Variants in TRAPPC12 observed in about 807,000 individuals in gnomAD.
The protein encoded by TRAPPC12 is trafficking protein particle complex subunit 12.
In TRAPPC12, 61 loss-of-function variants were observed where a neutral mutation model predicts 69.2. The observed-to-expected ratio is 0.88, with a 90% CI of 0.72 to 1.09. The LOEUF is 1.09. TRAPPC12 is among the 50% of genes least tolerant of loss of function. The probability of loss-of-function intolerance (pLI) is 0.00; values close to 1 mark genes in which losing one functional copy is unlikely to be tolerated. For synonymous variants in TRAPPC12, 469 were observed against 438.9 expected, an observed-to-expected ratio of 1.07 and a Z score of -0.86; for missense variants, 1,101 against 1,016.4, an observed-to-expected ratio of 1.08 and a Z score of -1.13.
intron 5 of TRAPPC12, among the ~76,000 whole-genome samples, chr2:3,425,012 GA>G (rs113868653): frequency 0.013 from 2,006 of 152,390 alleles, 48 homozygotes; most frequent in African/African-American, 0.044. Flanking sequence ...CAGAGATGCA[GA>G]GCGGTGGAAC....
chr2:3,438,287 TCCCTGGATTAACCCCCATCAC>T (rs1663974538), intron 5 of TRAPPC12, among the ~76,000 whole-genome samples: 1 of 17,886 alleles, frequency 5.6e-5, no homozygotes, highest in Non-Finnish European at 1.0e-4. Context: ...CCCCCCACCA[TCCCTGGATTAACCCCCATCAC>T]CCCTGGATTA....
chr2:3,444,098 C>T (rs1664380499), intron 6 of TRAPPC12, among the ~76,000 whole-genome samples: 1 of 152,178 alleles, frequency 6.6e-6, no homozygotes, highest in Non-Finnish European at 1.5e-5. Flanking sequence ...GAGTTTCTAG[C>T]AGAGCTTGAG....
Position 3,479,305 on chromosome 2 carries a change from C to T in TRAPPC12, c.2052C>T (p.Asp684=), listed in dbSNP as rs753084095. Reference sequence around the variant, plus strand: ...AGCTGGAGGCCATGGTCCAGCAGGACCCCAGGCACTACCTGCACGAGAGCG... The same window carrying T: ...AGCTGGAGGCCATGGTCCAGCAGGATCCCAGGCACTACCTGCACGAGAGCG... ...LRQLEAMVQQ[D]PRHYLHESVL... is the part of the protein sequence containing the mutation. The change falls in exon 12 of 12, where the codon GAC becomes GAT. Residue 684 remains aspartate (D), a synonymous_variant. Coordinates refer to ENST00000324266, the MANE Select transcript of TRAPPC12 (RefSeq NM_016030.6). 1 of 1,614,188 alleles carries T rather than the reference C, an allele frequency of 6.2e-7. No individual in the cohort carries two copies. The highest frequency in any genetic ancestry group is 1.7e-5 in the Admixed American group (1 of 60,032).
chr2:3,447,691 T>C, intron 6 of TRAPPC12, among the ~76,000 whole-genome samples: 1 of 152,062 alleles, frequency 6.6e-6, no homozygotes, highest in East Asian at 1.9e-4. Flanking sequence ...TATATCATAG[T>C]GCAAAATCTA....
In TRAPPC12 at chr2:3,478,925, A is replaced by T; in HGVS notation, c.1957A>T (p.Asn653Tyr). ...FTEILRMDPR[N>Y]AVANNNAAVC... ...AGAGATCTTAAGGATGGATCCAAGA[A>T]ACGCAGTGGTAAGATCCCCAAGCTG... is the stretch of plus-strand genomic sequence containing the variant. The change falls in exon 11 of 12, where the codon AAC (asparagine) becomes TAC (tyrosine). Residue 653 changes from asparagine to tyrosine, a missense_variant. Physicochemically the swap from Asn to Tyr is moderately radical, Grantham distance 143. Transcript: ENST00000324266. The T allele has an allele frequency of 6.2e-7, 1 of 1,614,106 alleles. No homozygotes were observed. The highest frequency in any genetic ancestry group is 1.7e-5 in the Admixed American group (1 of 60,038).
At chr2:3,454,219 C>T (rs1665007089) in intron 6 of TRAPPC12, among the ~76,000 whole-genome samples, 1 of 152,224 alleles carries the variant, frequency 6.6e-6, no homozygotes. Context: ...AGGGGTGTAG[C>T]CTGCCTGGTG....
At chr2:3,472,264 T>C (rs1380488068) in intron 9 of TRAPPC12, among the ~76,000 whole-genome samples, 7 of 152,078 alleles carry the variant, frequency 4.6e-5, no homozygotes, top group Non-Finnish European at 5.9e-5. Context: ...GGGAAAGACT[T>C]GAGCACGTTT....
At chr2:3,447,345 G>C (rs766294581) in intron 6 of TRAPPC12, among the ~76,000 whole-genome samples, 1 of 152,106 alleles carries the variant, frequency 6.6e-6, no homozygotes, top group Non-Finnish European at 1.5e-5. Context: ...TGATCCACCC[G>C]CCTTGGCCTC....
chr2:3,396,337 G>A (rs566567095), intron 2 of TRAPPC12, among the ~76,000 whole-genome samples: 2 of 150,874 alleles, frequency 1.3e-5, no homozygotes, highest in African/African-American at 2.4e-5. Context: ...TCTTATCCTC[G>A]CTCCTCTGTA....
chr2:3,445,245 T>A (rs145236968), intron 6 of TRAPPC12, among the ~76,000 whole-genome samples: 4 of 152,150 alleles, frequency 2.6e-5, no homozygotes, highest in Non-Finnish European at 5.9e-5. Flanking sequence ...ACAGGCTGGG[T>A]ACAGGGGCTC....
intron 5 of TRAPPC12, among the ~76,000 whole-genome samples, chr2:3,438,212 C>A (rs1449871177): frequency 1.1e-5 from 1 of 93,254 alleles, no homozygotes; most frequent in Non-Finnish European, 2.1e-5. Flanking sequence ...CTGGATTCAT[C>A]CCCCACCACC....
intron 3 of TRAPPC12, among the ~76,000 whole-genome samples, chr2:3,413,884 G>A (rs999936106): frequency 2.0e-5 from 3 of 152,166 alleles, no homozygotes; most frequent in Admixed American, 6.5e-5. Context: ...TGTTTCTGCT[G>A]TATCCTCTCA....
At chr2:3,381,745 C>T (rs1347064041) in intron 1 of TRAPPC12, among the ~76,000 whole-genome samples, 1 of 152,214 alleles carries the variant, frequency 6.6e-6, no homozygotes, top group Non-Finnish European at 1.5e-5. Flanking sequence ...GGGACCATTT[C>T]CCAGTGCGTT....
rs770652153 is a variant in TRAPPC12, at chr2:3,479,422, G to C, written c.2169G>C (p.Glu723Asp). 30 of 1,613,964 alleles carry C rather than the reference G, an allele frequency of 1.9e-5. No individual in the cohort carries two copies. The highest frequency in any genetic ancestry group is 5.3e-5 in the African/African-American group (4 of 74,948). The part of the protein sequence containing the change: ...QALLEAVAGK[E>D]GDSFNTQCLK... ...TGCTGGAGGCTGTCGCCGGCAAGGAGGGGGACAGCTTCAACACACAGTGCC... is the reference window on the plus strand; with the variant it reads ...TGCTGGAGGCTGTCGCCGGCAAGGACGGGGACAGCTTCAACACACAGTGCC... The change falls in exon 12 of 12, where the codon GAG becomes GAC. Residue 723 changes from glutamate to aspartate, a missense_variant. Transcript: ENST00000324266.
chr2:3,381,371 T>C (rs1337206629), intron 1 of TRAPPC12, among the ~76,000 whole-genome samples: 1 of 152,220 alleles, frequency 6.6e-6, no homozygotes, highest in Non-Finnish European at 1.5e-5. Flanking sequence ...AAGTTTTAAA[T>C]GTTGTTAGGA....
chr2:3,441,002 C>A (rs1664172926), intron 5 of TRAPPC12, among the ~76,000 whole-genome samples: 1 of 151,874 alleles, frequency 6.6e-6, no homozygotes, highest in African/African-American at 2.4e-5. Flanking sequence ...GGAATAAATT[C>A]TGTCTGGTCA....
At position 3,478,899 on chromosome 2, in the gene TRAPPC12, C is replaced by G; in HGVS notation, c.1931C>G (p.Thr644Arg). 1 of 1,614,192 alleles carries G rather than the reference C, an allele frequency of 6.2e-7. No homozygotes were observed. The highest frequency in any genetic ancestry group is 8.5e-7 in the Non-Finnish European group (1 of 1,180,044). ...NNFAEAHRFF[T>R]EILRMDPRNA... ...TTTGCAGAAGCCCACAGGTTCTTCA[C>G]AGAGATCTTAAGGATGGATCCAAGA... is the stretch of plus-strand genomic sequence containing the variant. Residue 644 changes from threonine (T) to arginine (R), a missense_variant, in exon 11 of 12, where the codon ACA (threonine) becomes AGA (arginine). By Grantham distance (71) the Thr-to-Arg change is moderately conservative. Transcript: ENST00000324266.
intron 9 of TRAPPC12, among the ~76,000 whole-genome samples, chr2:3,477,331 G>A (rs1301206000): frequency 1.3e-5 from 2 of 152,186 alleles, no homozygotes; most frequent in African/African-American, 2.4e-5. Flanking sequence ...GTTGACGTAG[G>A]ACCTGCTCAT....
chr2:3,430,656 T>C (rs1663377046), intron 5 of TRAPPC12, among the ~76,000 whole-genome samples: 1 of 152,278 alleles, frequency 6.6e-6, no homozygotes, highest in Non-Finnish European at 1.5e-5. Flanking sequence ...AAAATAATTC[T>C]AGTTTAAAAA....
Sources: allele counts gnomAD v4.1 joint callset (sites outside exome capture counted in the v4.1 genomes callset), GRCh38; gene constraint gnomAD v4.1.1; transcripts MANE v1.5; gene names NCBI Gene and HGNC (gene_info 2026-07-23, HGNC 2026-07-21).